Variants in SYT1 observed in about 807,000 individuals in gnomAD.
SYT1 encodes synaptotagmin 1, also known as synaptotagmin-1.
SYT1 carries 8 observed loss-of-function variants against 44.8 expected under a neutral mutation model. That is an observed-to-expected ratio of 0.18 (90% CI 0.10 to 0.32). SYT1 has a LOEUF of 0.32. SYT1 is among the 10% of genes least tolerant of loss of function. The pLI, the probability that SYT1 is intolerant of heterozygous loss-of-function variation, is 1.00. For missense variants in SYT1, 286 were observed against 509.3 expected, an observed-to-expected ratio of 0.56 and a Z score of 4.22; for synonymous variants, 154 against 188.8, an observed-to-expected ratio of 0.82 and a Z score of 1.51.
intron 3 of SYT1, among the ~76,000 whole-genome samples, chr12:79,115,957 A>G (rs1879253600): frequency 6.6e-6 from 1 of 152,204 alleles, no homozygotes; most frequent in African/African-American, 2.4e-5. Context: ...TGAAAGCTAT[A>G]ATGAGCAAAC....
chr12:79,258,649 CT>C, intron 4 of SYT1, among the ~76,000 whole-genome samples: 1 of 152,096 alleles, frequency 6.6e-6, no homozygotes, highest in South Asian at 2.1e-4. Context: ...CAAGAAGACA[CT>C]TATGTGTAAT....
chr12:79,372,901 C>T (rs939394989), intron 9 of SYT1, among the ~76,000 whole-genome samples: 1 of 152,146 alleles, frequency 6.6e-6, no homozygotes, highest in Non-Finnish European at 1.5e-5. Flanking sequence ...ACCTGAAATT[C>T]AGTCAATACC....
At chr12:79,355,998 GGAAGTAGGATAAGGAAT>G (rs1883096356) in intron 9 of SYT1, among the ~76,000 whole-genome samples, 1 of 152,024 alleles carries the variant, frequency 6.6e-6, no homozygotes, top group Non-Finnish European at 1.5e-5. Flanking sequence ...CAGTAAAGCA[GGAAGTAGGATAAGGAAT>G]ATTGGGGATT....
At chr12:79,115,639 T>C (rs976770257) in intron 3 of SYT1, among the ~76,000 whole-genome samples, 2 of 152,232 alleles carry the variant, frequency 1.3e-5, no homozygotes, top group Non-Finnish European at 2.9e-5. Context: ...AAAAACATCT[T>C]GTTCTTTCCA....
At chr12:79,156,572 A>G (rs1254231763) in intron 3 of SYT1, among the ~76,000 whole-genome samples, 1 of 151,848 alleles carries the variant, frequency 6.6e-6, no homozygotes, top group Admixed American at 6.6e-5. Flanking sequence ...AGTTCAAGCA[A>G]TTCTCCTGCC....
intron 3 of SYT1, among the ~76,000 whole-genome samples, chr12:79,194,647 C>G (rs1526970): frequency 0.71 from 107,422 of 151,832 alleles, 38,492 homozygotes; most frequent in African/African-American, 0.77. Context: ...CTTTGAGAAC[C>G]ACTGTGTACA....
chr12:78,964,819 A>G (rs1222501863), intron 1 of SYT1, among the ~76,000 whole-genome samples: 1 of 152,164 alleles, frequency 6.6e-6, no homozygotes, highest in Non-Finnish European at 1.5e-5. Flanking sequence ...TCAAATGCTG[A>G]TAACTTTTCT....
In SYT1 at chr12:79,145,789, G is replaced by A. The variant is rs866962287; in HGVS notation, c.-17-71714G>A. Among the ~76,000 whole-genome samples the A allele has an allele frequency of 4.7e-5, 7 of 149,558 alleles. No individual in the cohort carries two copies. In the South Asian group the frequency reaches 8.4e-4, roughly 18 times the overall value. ...TGTTTGTTTTTTGAGACGGAGTCTC[G>A]CTCTGTCGCCCAGGCTGGAGTGCAG... On this transcript the variant is annotated intron_variant, in intron 3 of 10. Coordinates refer to ENST00000261205, the MANE Select transcript of SYT1 (RefSeq NM_005639.3).
chr12:79,119,489 T>A (rs1230959430), intron 3 of SYT1, among the ~76,000 whole-genome samples: 3 of 152,186 alleles, frequency 2.0e-5, no homozygotes, highest in East Asian at 1.9e-4. Context: ...GTTTTTTTTT[T>A]AGTCATAACT....
chr12:78,957,043 T>C (rs765778235), intron 1 of SYT1, among the ~76,000 whole-genome samples: 1 of 152,208 alleles, frequency 6.6e-6, no homozygotes, highest in Non-Finnish European at 1.5e-5. Flanking sequence ...AAAGATTTGC[T>C]GTTGAAAGTC....
intron 8 of SYT1, among the ~76,000 whole-genome samples, chr12:79,350,872 T>C (rs1425241253): frequency 6.6e-6 from 1 of 152,202 alleles, no homozygotes; most frequent in Non-Finnish European, 1.5e-5. Context: ...TTGATGCCCA[T>C]AAAGGACACA....
At chr12:79,031,470 T>G (rs1872827237) in intron 2 of SYT1, among the ~76,000 whole-genome samples, 1 of 151,066 alleles carries the variant, frequency 6.6e-6, no homozygotes, top group African/African-American at 2.4e-5. Flanking sequence ...ACCTCTCAGG[T>G]TTGTGGATAA....
At chr12:79,150,814 A>G (rs1329725436) in intron 3 of SYT1, among the ~76,000 whole-genome samples, 1 of 152,188 alleles carries the variant, frequency 6.6e-6, no homozygotes, top group Non-Finnish European at 1.5e-5. Context: ...TCGAGCAAGT[A>G]ACCCATTACT....
chr12:79,175,484 A>AT (rs1246797544), intron 3 of SYT1, among the ~76,000 whole-genome samples: 3 of 152,190 alleles, frequency 2.0e-5, no homozygotes, highest in South Asian at 2.1e-4. Flanking sequence ...CCTTCTTAAA[A>AT]TTTTTATAAA....
At chr12:79,028,107 C>T (rs997786896) in intron 2 of SYT1, among the ~76,000 whole-genome samples, 2 of 151,380 alleles carry the variant, frequency 1.3e-5, no homozygotes, top group Non-Finnish European at 3.0e-5. Context: ...TGTAAAAACA[C>T]GTGGTTAATT....
intron 1 of SYT1, among the ~76,000 whole-genome samples, chr12:78,950,449 G>A (rs1255734267): frequency 2.0e-5 from 3 of 152,000 alleles, no homozygotes; most frequent in Non-Finnish European, 4.4e-5. Context: ...TGTGATATGA[G>A]GGGACCAGTT....
intron 1 of SYT1, among the ~76,000 whole-genome samples, chr12:78,891,223 T>C (rs748302173): frequency 6.6e-6 from 1 of 151,896 alleles, no homozygotes; most frequent in African/African-American, 2.4e-5. Flanking sequence ...CGCCAACATA[T>C]AATTTATGGT....
At chr12:79,212,877 C>T (rs1874545055) in intron 3 of SYT1, among the ~76,000 whole-genome samples, 1 of 152,182 alleles carries the variant, frequency 6.6e-6, no homozygotes, top group African/African-American at 2.4e-5. Context: ...GGGAAAGCCA[C>T]ACTCCAGTTA....
intron 4 of SYT1, among the ~76,000 whole-genome samples, chr12:79,253,541 C>T (rs1012599472): frequency 6.8e-6 from 1 of 147,748 alleles, no homozygotes; most frequent in Non-Finnish European, 1.5e-5. Context: ...AGAAAGCTTC[C>T]CAATTCTCTG....
Sources: gnomAD v4.1 joint callset for allele counts (sites outside exome capture counted in the v4.1 genomes callset) on GRCh38, gnomAD v4.1.1 for gene constraint, MANE v1.5 for transcripts, NCBI Gene and HGNC (gene_info 2026-07-23, HGNC 2026-07-21) for gene names.